GRM7: variants seen among roughly 807,000 people sequenced by gnomAD.
GRM7 encodes glutamate metabotropic receptor 7, also known as metabotropic glutamate receptor 7.
GRM7 carries 35 observed loss-of-function variants against 84.5 expected under a neutral mutation model. That is an observed-to-expected ratio of 0.41 (90% CI 0.32 to 0.55). The LOEUF (loss-of-function observed/expected upper bound fraction) is 0.55. Ranked by LOEUF, GRM7 falls within the 20% of genes least tolerant of loss-of-function variation. The pLI is 0.19. For synonymous variants in GRM7, 487 were observed against 455.1 expected, an observed-to-expected ratio of 1.07 and a Z score of -0.89; for missense variants, 1,003 against 1,194.6, an observed-to-expected ratio of 0.84 and a Z score of 2.36.
At chr3:7,471,507 A>G (rs1559346239) in intron 7 of GRM7, among the ~76,000 whole-genome samples, 1 of 152,096 alleles carries the variant, frequency 6.6e-6, no homozygotes, top group African/African-American at 2.4e-5. Context: ...TCTGTCCTCA[A>G]AGCTGGCAAT....
intron 8 of GRM7, among the ~76,000 whole-genome samples, chr3:7,627,891 T>C (rs1697688360): frequency 6.6e-6 from 1 of 152,174 alleles, no homozygotes; most frequent in South Asian, 2.1e-4. Context: ...CTAGTGATTT[T>C]AACTCAATTA....
chr3:7,560,451 T>G (rs1421601359), intron 7 of GRM7: 1 of 152,102 alleles, frequency 6.6e-6, no homozygotes, highest in Non-Finnish European at 1.5e-5. Context: ...GTTTTATCTT[T>G]ACCACTGAGT....
chr3:7,692,962 C>G (rs1363059640), intron 9 of GRM7, among the ~76,000 whole-genome samples: 2 of 151,696 alleles, frequency 1.3e-5, no homozygotes, highest in Non-Finnish European at 2.9e-5. Flanking sequence ...GAGTGAGATG[C>G]ATCTTTCTTT....
intron 2 of GRM7, among the ~76,000 whole-genome samples, chr3:7,213,555 G>A (rs1419607780): frequency 2.0e-5 from 3 of 152,194 alleles, no homozygotes; most frequent in Non-Finnish European, 4.4e-5. Flanking sequence ...AACAGCCTAT[G>A]AGACACAGAT....
At chr3:7,081,815 G>T (rs2096147833) in intron 1 of GRM7, among the ~76,000 whole-genome samples, 1 of 152,024 alleles carries the variant, frequency 6.6e-6, no homozygotes, top group Non-Finnish European at 1.5e-5. Flanking sequence ...TGAGTGGTGT[G>T]GATAGAAAAT....
intron 9 of GRM7, among the ~76,000 whole-genome samples, chr3:7,737,440 G>A (rs1702541934): frequency 6.6e-6 from 1 of 152,106 alleles, no homozygotes; most frequent in Non-Finnish European, 1.5e-5. Context: ...AAAATAAAAA[G>A]TATATTTCCT....
intron 1 of GRM7, among the ~76,000 whole-genome samples, chr3:7,127,387 G>T (rs1286364837): frequency 6.6e-6 from 1 of 152,158 alleles, no homozygotes; most frequent in Non-Finnish European, 1.5e-5. Flanking sequence ...CCACTACAAA[G>T]AAAATAATTG....
intron 8 of GRM7, among the ~76,000 whole-genome samples, chr3:7,677,296 T>G (rs1420569416): frequency 7.3e-6 from 1 of 137,388 alleles, no homozygotes; most frequent in Non-Finnish European, 1.5e-5. Flanking sequence ...AAAAAAAAAC[T>G]TACATATTAC....
chr3:7,657,091 G>T (rs1699237016), intron 8 of GRM7, among the ~76,000 whole-genome samples: 1 of 152,158 alleles, frequency 6.6e-6, no homozygotes, highest in Non-Finnish European at 1.5e-5. Flanking sequence ...GCCTAGGAAA[G>T]AAAAGCCAAT....
At chr3:7,449,058 T>C (rs1461639028) in intron 5 of GRM7, among the ~76,000 whole-genome samples, 1 of 152,150 alleles carries the variant, frequency 6.6e-6, no homozygotes, top group Non-Finnish European at 1.5e-5. Flanking sequence ...AAAATGGTAA[T>C]GTTAGAATTT....
intron 2 of GRM7, among the ~76,000 whole-genome samples, chr3:7,181,811 A>T (rs1280883388): frequency 6.6e-6 from 1 of 151,916 alleles, no homozygotes; most frequent in Admixed American, 6.6e-5. Context: ...TGAGGTGACT[A>T]TGTTGGCCAG....
chr3:7,674,071 T>TAAC (rs1700036852), intron 8 of GRM7, among the ~76,000 whole-genome samples: 1 of 152,032 alleles, frequency 6.6e-6, no homozygotes, highest in African/African-American at 2.4e-5. Context: ...GCATCAAATA[T>TAAC]AACAATAGTA....
intron 2 of GRM7, among the ~76,000 whole-genome samples, chr3:7,221,115 G>C (rs925104712): frequency 6.6e-6 from 1 of 151,782 alleles, no homozygotes; most frequent in Non-Finnish European, 1.5e-5. Context: ...CAAAACAAAA[G>C]AAAAGAAAAC....
At chr3:7,153,710 G>A (rs1048928502) in intron 2 of GRM7, among the ~76,000 whole-genome samples, 9 of 152,178 alleles carry the variant, frequency 5.9e-5, no homozygotes, top group Admixed American at 1.3e-4. Flanking sequence ...TTGTACTTAT[G>A]CAATATGTAT....
intron 1 of GRM7, among the ~76,000 whole-genome samples, chr3:7,116,046 G>T (rs7646844): frequency 0.21 from 31,531 of 152,054 alleles, 3,442 homozygotes; most frequent in Middle Eastern, 0.3. Flanking sequence ...AAACTTTACA[G>T]GGAAGATGCT....
intron 7 of GRM7, among the ~76,000 whole-genome samples, chr3:7,534,716 C>A (rs1701175462): frequency 6.6e-6 from 1 of 152,054 alleles, no homozygotes; most frequent in Admixed American, 6.6e-5. Context: ...TAGTTGAAGA[C>A]CCACTCCTTA....
intron 4 of GRM7, among the ~76,000 whole-genome samples, chr3:7,400,657 G>T (rs1266722123): frequency 6.6e-6 from 1 of 152,084 alleles, no homozygotes; most frequent in African/African-American, 2.4e-5. Context: ...CTCTTCCATG[G>T]CATAAATGTG....
intron 4 of GRM7, among the ~76,000 whole-genome samples, chr3:7,353,544 G>A (rs555943866): frequency 6.6e-6 from 1 of 152,204 alleles, no homozygotes; most frequent in Admixed American, 6.5e-5. Context: ...TGTAGAGAAA[G>A]GGATTCACGG....
chr3:7,151,143 CAT>C lies in GRM7; in HGVS notation c.736+4477_736+4478del, dbSNP rs2125070107. On this transcript the variant is annotated intron_variant, in intron 2 of 9. Coordinates refer to ENST00000357716, the MANE Select transcript of GRM7 (RefSeq NM_000844.4). This position sits in a 1 kb window ranked among gnomAD's most constrained non-coding sequence, Gnocchi z 4.5. Reference sequence around the variant, plus strand: ...AATTTATTTTTAATTAATACTTTATCATAGCCTAGCATATTTTTTTCCTAAAA... The same window carrying C: ...AATTTATTTTTAATTAATACTTTATCAGCCTAGCATATTTTTTTCCTAAAA... 8.4e-6 allele frequency among the ~76,000 whole-genome samples: 1 copy of C among 119,496 alleles called. No individual in the cohort carries two copies. Among genetic ancestry groups the C allele is most frequent in the African/African-American group, 4.0e-5 (1 of 24,996 alleles). The allele number at this position is 119,496 out of a possible 152,430, so 78.4% of individuals were successfully genotyped here.
Sources: allele counts gnomAD v4.1 joint callset (sites outside exome capture counted in the v4.1 genomes callset), GRCh38; gene constraint gnomAD v4.1.1; non-coding constraint Gnocchi (gnomAD v3.1); transcripts MANE v1.5; gene names NCBI Gene and HGNC (gene_info 2026-07-23, HGNC 2026-07-21).